The following RALYL variants were observed in gnomAD, a reference collection of about 807,000 sequenced individuals.
The protein encoded by RALYL is RALY RNA binding protein like, also known as RNA-binding Raly-like protein.
A neutral mutation model predicts 35.1 loss-of-function variants in RALYL; 29 were observed. The ratio of observed to expected loss-of-function variants is 0.83; its 90% confidence interval spans 0.61 to 1.13. The LOEUF (loss-of-function observed/expected upper bound fraction) is 1.13, where lower values mean the gene tolerates loss of function less well. RALYL is among the 50% of genes most tolerant of loss of function. The pLI is 0.00. For synonymous variants in RALYL, 120 were observed against 127.6 expected (o/e 0.94, Z 0.40); for missense variants, 359 against 360.4 (o/e 1.00, Z 0.03).
At chr8:84,729,064 G>A (rs1401599681) in intron 2 of RALYL, among the ~76,000 whole-genome samples, 1 of 152,106 alleles carries the variant, frequency 6.6e-6, no homozygotes, top group African/African-American at 2.4e-5. Context: ...ATTACCTTGG[G>A]CAGTATGGCC....
chr8:84,286,813 G>T (rs373429526), intron 1 of RALYL, among the ~76,000 whole-genome samples: 2 of 152,166 alleles, frequency 1.3e-5, no homozygotes, highest in Non-Finnish European at 1.5e-5. Context: ...TGGCCTCTGG[G>T]TGTGACTTCC....
At chr8:84,899,308 T>C (rs1845279038) in intron 8 of RALYL, among the ~76,000 whole-genome samples, 1 of 152,102 alleles carries the variant, frequency 6.6e-6, no homozygotes, top group African/African-American at 2.4e-5. Context: ...TATATTGTAA[T>C]TAATGATTTT....
chr8:84,552,358 ATTTTTTTTTTT>A (rs1167949176), intron 2 of RALYL, among the ~76,000 whole-genome samples: 1 of 30,638 alleles, frequency 3.3e-5, no homozygotes, highest in Non-Finnish European at 5.8e-5. Context: ...ATATATATAT[ATTTTTTTTTTT>A]TTTTTTTTTT....
intron 8 of RALYL, among the ~76,000 whole-genome samples, chr8:84,908,298 T>C (rs1846880154): frequency 6.6e-6 from 1 of 152,144 alleles, no homozygotes; most frequent in Non-Finnish European, 1.5e-5. Flanking sequence ...GCAATAGATC[T>C]CAAAAAACTT....
intron 2 of RALYL, among the ~76,000 whole-genome samples, chr8:84,733,246 A>G (rs76106695): frequency 0.061 from 9,323 of 152,148 alleles, 946 homozygotes; most frequent in African/African-American, 0.21. Flanking sequence ...GCCCTTCGTT[A>G]TACTCAGCTT....
intron 2 of RALYL, among the ~76,000 whole-genome samples, chr8:84,604,269 A>T (rs1163208795): frequency 6.6e-6 from 1 of 152,146 alleles, no homozygotes; most frequent in Non-Finnish European, 1.5e-5. Context: ...AGGAAAGTAT[A>T]CTAAGTAACA....
intron 1 of RALYL, among the ~76,000 whole-genome samples, chr8:84,212,761 A>T (rs1448895604): frequency 6.6e-6 from 1 of 152,208 alleles, no homozygotes; most frequent in East Asian, 1.9e-4. Context: ...GTTTATGAAT[A>T]TATACTTGAA....
intron 2 of RALYL, among the ~76,000 whole-genome samples, chr8:84,699,005 C>CATAGATAGATAGATAGATAG (rs3068019): frequency 5.6e-4 from 81 of 144,278 alleles, no homozygotes; most frequent in African/African-American, 6.9e-4. Flanking sequence ...TAGGTAGGTA[C>CATAGATAGATAGATAGATAG]ATAGATAGAT....
intron 2 of RALYL, among the ~76,000 whole-genome samples, chr8:84,670,055 G>T (rs773432975): frequency 6.6e-6 from 1 of 151,872 alleles, no homozygotes; most frequent in Non-Finnish European, 1.5e-5. Flanking sequence ...TTGAGAGCTT[G>T]TTCCTCTGAA....
At chr8:84,643,251 A>G in intron 2 of RALYL, among the ~76,000 whole-genome samples, 1 of 151,926 alleles carries the variant, frequency 6.6e-6, no homozygotes, top group Non-Finnish European at 1.5e-5. Context: ...CCACAAATAC[A>G]AACAAATACA....
At chr8:84,849,935 G>T in intron 4 of RALYL, 45 bp from the exon 5 acceptor site, 1 of 1,042,734 alleles carries the variant, frequency 9.6e-7, no homozygotes, top group East Asian at 2.9e-5. Flanking sequence ...TAAAATTAAT[G>T]TCATTGAAAC....
chr8:84,419,680 A>G (rs1004231045), intron 1 of RALYL, among the ~76,000 whole-genome samples: 6 of 141,052 alleles, frequency 4.3e-5, no homozygotes, highest in Non-Finnish European at 9.2e-5. Flanking sequence ...ATATCTCCCA[A>G]TGCTGTCCCT....
At chr8:84,328,109 T>G (rs1846153600) in intron 1 of RALYL, among the ~76,000 whole-genome samples, 1 of 152,180 alleles carries the variant, frequency 6.6e-6, no homozygotes, top group South Asian at 2.1e-4. Context: ...TACGGTAACA[T>G]TAATTATTGG....
At chr8:84,805,338 C>T (rs1042866328) in intron 4 of RALYL, among the ~76,000 whole-genome samples, 2 of 152,148 alleles carry the variant, frequency 1.3e-5, no homozygotes, top group Non-Finnish European at 2.9e-5. Flanking sequence ...TTAGATAAGA[C>T]GAACGCTTGC....
chr8:84,364,259 T>C (rs1853731983), intron 1 of RALYL, among the ~76,000 whole-genome samples: 2 of 152,188 alleles, frequency 1.3e-5, no homozygotes, highest in Admixed American at 6.6e-5. Flanking sequence ...CTCGCTTTTC[T>C]TACTAGTAAT....
At chr8:84,308,363 A>T (rs1442580062) in intron 1 of RALYL, among the ~76,000 whole-genome samples, 6 of 143,994 alleles carry the variant, frequency 4.2e-5, no homozygotes, top group Admixed American at 6.7e-5. Context: ...TATCTTAATT[A>T]AAAAAAAAAT....
At chr8:84,694,020 T>A (rs565822454) in intron 2 of RALYL, among the ~76,000 whole-genome samples, 1 of 151,826 alleles carries the variant, frequency 6.6e-6, no homozygotes, top group East Asian at 1.9e-4. Flanking sequence ...ATTTAACCAA[T>A]GGTGGAAAGT....
intron 1 of RALYL, among the ~76,000 whole-genome samples, chr8:84,249,556 G>T (rs1370813480): frequency 6.6e-6 from 1 of 152,020 alleles, no homozygotes; most frequent in Non-Finnish European, 1.5e-5. Context: ...AATTTTAAAA[G>T]CCAAAACACA....
At chr8:84,374,712 T>G (rs1165653182) in intron 1 of RALYL, among the ~76,000 whole-genome samples, 1 of 151,608 alleles carries the variant, frequency 6.6e-6, no homozygotes, top group Non-Finnish European at 1.5e-5. Flanking sequence ...TACTTGAGGG[T>G]GGAGGGTGCA....
Sources: allele counts gnomAD v4.1 joint callset (sites outside exome capture counted in the v4.1 genomes callset), GRCh38; gene constraint gnomAD v4.1.1; transcripts MANE v1.5; gene names NCBI Gene and HGNC (gene_info 2026-07-23, HGNC 2026-07-21).